KATNAL1: variants seen among roughly 807,000 people sequenced by gnomAD.
KATNAL1 encodes katanin catalytic subunit A1 like 1, also known as katanin p60 ATPase-containing subunit A-like 1.
KATNAL1 carries 32 observed loss-of-function variants against 55.2 expected under a neutral mutation model. That is an observed-to-expected ratio of 0.58 (90% CI 0.44 to 0.78). KATNAL1 has a LOEUF of 0.78. Ranked by LOEUF, KATNAL1 falls within the 30% of genes least tolerant of loss-of-function variation. The pLI is 0.00. For synonymous variants in KATNAL1, 193 were observed against 193.6 expected (o/e 1.00, Z 0.02); for missense variants, 466 against 600.9 (o/e 0.78, Z 2.35).
At chr13:30,282,331 G>A (rs1419973591) in intron 2 of KATNAL1, among the ~76,000 whole-genome samples, 1 of 152,106 alleles carries the variant, frequency 6.6e-6, no homozygotes, top group Non-Finnish European at 1.5e-5. Flanking sequence ...AAAGGGAAAA[G>A]GGCAAGTATG....
rs1485761588 is a variant in KATNAL1 at position 30,203,527 on chromosome 13, A to C, written c.*5013T>G. Reference sequence around the variant, plus strand: ...AATGGGAGTCCTTTTATAAGAGGGAAACTTCTCTATACAAATTCCCTATTT... The same window carrying C: ...AATGGGAGTCCTTTTATAAGAGGGACACTTCTCTATACAAATTCCCTATTT... On this transcript the variant is annotated 3_prime_UTR_variant, in exon 11 of 11. Transcript: ENST00000380615. 6.6e-6 allele frequency: 1 copy of C among 151,464 alleles called. No individual in the cohort carries two copies. Among genetic ancestry groups the C allele is most frequent in the Non-Finnish European group, 1.5e-5 (1 of 68,030 alleles). The allele number at this position is 151,464 out of a possible 1,614,324, so 9.4% of individuals were successfully genotyped here. A position where few individuals can be genotyped will look rare whatever the true frequency, so the allele number is the denominator to read the frequency against.
chr13:30,290,965 T>C (rs1463429851), intron 1 of KATNAL1, among the ~76,000 whole-genome samples: 1 of 152,198 alleles, frequency 6.6e-6, no homozygotes, highest in Non-Finnish European at 1.5e-5. Context: ...AACCGAGTAA[T>C]GGACATCTAT....
chr13:30,290,075 G>C (rs779410139), intron 1 of KATNAL1, among the ~76,000 whole-genome samples: 1 of 152,150 alleles, frequency 6.6e-6, no homozygotes, highest in Non-Finnish European at 1.5e-5. Context: ...TCAAGAACAA[G>C]TGGCAAGCTG....
intron 4 of KATNAL1, among the ~76,000 whole-genome samples, chr13:30,246,294 A>C (rs1202977276): frequency 6.6e-6 from 1 of 152,238 alleles, no homozygotes; most frequent in African/African-American, 2.4e-5. Context: ...GCAATGGGGA[A>C]AGGATTCCCT....
intron 4 of KATNAL1, among the ~76,000 whole-genome samples, chr13:30,244,675 C>T (rs1877608902): frequency 6.6e-6 from 1 of 151,954 alleles, no homozygotes; most frequent in Non-Finnish European, 1.5e-5. Context: ...AAAGAAAAGA[C>T]AGAAGAATCA....
chr13:30,248,210 A>G (rs1017767533), intron 4 of KATNAL1, among the ~76,000 whole-genome samples: 3 of 152,222 alleles, frequency 2.0e-5, no homozygotes, highest in African/African-American at 7.2e-5. Context: ...AACTCTTCCT[A>G]TGACCTAAGA....
At chr13:30,277,481 T>C (rs1486800691) in intron 3 of KATNAL1, among the ~76,000 whole-genome samples, 1 of 152,230 alleles carries the variant, frequency 6.6e-6, no homozygotes, top group African/African-American at 2.4e-5. Flanking sequence ...AAACCAAGAA[T>C]ATCCAATGAC....
At position 30,285,067 on chromosome 13, in the gene KATNAL1, C is replaced by T. The variant is rs116539056; in HGVS notation, c.-14-1276G>A. ...GGGGAGCCTGACTCTTCTACTCTGA[C>T]TCTCAATCTCTTATCTGTTCTTCAG... On this transcript the variant is annotated intron_variant, in intron 1 of 10. Coordinates refer to ENST00000380615, the MANE Select transcript of KATNAL1 (RefSeq NM_032116.5). Among the ~76,000 whole-genome samples, 475 of 152,336 alleles carry T rather than the reference C, an allele frequency of 3.1e-3. 2 individuals carry two copies. The highest frequency in any genetic ancestry group is 0.011 in the African/African-American group (453 of 41,584).
chr13:30,286,474 G>A (rs1881796869), intron 1 of KATNAL1, among the ~76,000 whole-genome samples: 4 of 152,358 alleles, frequency 2.6e-5, no homozygotes, highest in African/African-American at 9.6e-5. Flanking sequence ...TGCTGGGCCT[G>A]CAAGTGCACA....
rs1881824045 is a variant in KATNAL1 at position 30,286,893 on chromosome 13, G to C, written c.-14-3102C>G. On this transcript the variant is annotated intron_variant, in intron 1 of 10. Coordinates refer to ENST00000380615, the MANE Select transcript of KATNAL1 (RefSeq NM_032116.5). ...GGATGTCAGACGTGGAGTCAAAGGA[G>C]ATAATTTTGGAAGTTTAAGGTTTAA... 2.6e-5 allele frequency among the ~76,000 whole-genome samples: 4 copies of C among 152,216 alleles called. No homozygotes were observed. In the South Asian group the frequency reaches 8.3e-4, roughly 32 times the overall value.
At chr13:30,287,144 G>A (rs1053053656) in intron 1 of KATNAL1, among the ~76,000 whole-genome samples, 51 of 152,192 alleles carry the variant, frequency 3.4e-4, no homozygotes, top group African/African-American at 1.2e-3. Context: ...GACTTTGGGG[G>A]ACGGTTGGAA....
chr13:30,243,265 GT>G (rs1566102650), intron 4 of KATNAL1, among the ~76,000 whole-genome samples: 3 of 152,106 alleles, frequency 2.0e-5, no homozygotes, highest in Admixed American at 2.0e-4. Context: ...TTTCATTAGT[GT>G]TGGATAATCT....
intron 4 of KATNAL1, among the ~76,000 whole-genome samples, chr13:30,241,998 T>C (rs967400079): frequency 3.3e-5 from 5 of 152,168 alleles, no homozygotes; most frequent in African/African-American, 4.8e-5. Context: ...ATGACAGATA[T>C]CAATACTGAC....
chr13:30,243,417 C>G (rs1877463948), intron 4 of KATNAL1, among the ~76,000 whole-genome samples: 2 of 152,006 alleles, frequency 1.3e-5, no homozygotes, highest in Admixed American at 1.3e-4. Flanking sequence ...AAAACATGAT[C>G]AGTTACTAGC....
chr13:30,290,991 A>G (rs1205262885), intron 1 of KATNAL1, among the ~76,000 whole-genome samples: 2 of 152,222 alleles, frequency 1.3e-5, no homozygotes, highest in Non-Finnish European at 2.9e-5. Flanking sequence ...ACCTACGGCT[A>G]GCATATGTAT....
At chr13:30,255,299 A>C (rs1350768065) in intron 4 of KATNAL1, 148 bp downstream of exon 4, 10 of 561,220 alleles carry the variant, frequency 1.8e-5, no homozygotes, top group Non-Finnish European at 2.9e-5. Context: ...GGCCTTCAAA[A>C]TACAAAGACT....
chr13:30,237,997 G>C (rs1170504622), intron 6 of KATNAL1, among the ~76,000 whole-genome samples: 2 of 152,056 alleles, frequency 1.3e-5, no homozygotes, highest in African/African-American at 2.4e-5. Context: ...CCCAATTCAG[G>C]CTCTTTGAAT....
chr13:30,230,707 A>C, intron 7 of KATNAL1, 113 bp from the exon 8 acceptor site: 1 of 751,688 alleles, frequency 1.3e-6, no homozygotes, highest in Non-Finnish European at 2.1e-6. Context: ...TCACTGTTTT[A>C]ATGCCATCAT....
At chr13:30,301,712 A>C (rs922854522) in intron 1 of KATNAL1, among the ~76,000 whole-genome samples, 15 of 152,352 alleles carry the variant, frequency 9.8e-5, no homozygotes, top group South Asian at 2.1e-4. Flanking sequence ...CTAATCTAAA[A>C]ATAAATATAA....
Sources: allele counts gnomAD v4.1 joint callset (sites outside exome capture counted in the v4.1 genomes callset), GRCh38; gene constraint gnomAD v4.1.1; transcripts MANE v1.5; gene names NCBI Gene and HGNC (gene_info 2026-07-23, HGNC 2026-07-21).